Variants in BAZ2B observed in about 807,000 individuals in gnomAD.
BAZ2B encodes bromodomain adjacent to zinc finger domain protein 2B.
BAZ2B carries 91 observed loss-of-function variants against 246.0 expected under a neutral mutation model. That is an observed-to-expected ratio of 0.37 (90% confidence interval 0.31 to 0.44). The LOEUF (loss-of-function observed/expected upper bound fraction) is 0.44, where lower values mean the gene tolerates loss of function less well. Ranked by LOEUF, BAZ2B falls within the 20% of genes least tolerant of loss-of-function variation. The probability of loss-of-function intolerance (pLI) is 1.00; values close to 1 mark genes in which losing one functional copy is unlikely to be tolerated. For synonymous variants in BAZ2B, 855 were observed against 860.0 expected (o/e 0.99, Z 0.10); for missense variants, 2,332 against 2,533.7 (o/e 0.92, Z 1.71).
chr2:159,610,388 G>A (rs879427083), intron 1 of BAZ2B, among the ~76,000 whole-genome samples: 24 of 152,304 alleles, frequency 1.6e-4, no homozygotes, highest in Admixed American at 1.2e-3. Flanking sequence ...AAGAGCTTCA[G>A]TACACCGTTC....
At chr2:159,436,101 AGT>A (rs1416288201) in intron 8 of BAZ2B, among the ~76,000 whole-genome samples, 38 of 152,238 alleles carry the variant, frequency 2.5e-4, no homozygotes, top group African/African-American at 8.9e-4. Flanking sequence ...CAGAAAAATT[AGT>A]GTGTTTTCGT....
chr2:159,355,723 G>A (rs1434525734), intron 27 of BAZ2B, among the ~76,000 whole-genome samples: 10 of 103,010 alleles, frequency 9.7e-5, no homozygotes, highest in South Asian at 6.1e-4. Flanking sequence ...GAACAGTTCC[G>A]GTCTGCAGCT....
At chr2:159,388,588 G>T (rs764728290) in intron 21 of BAZ2B, among the ~76,000 whole-genome samples, 4 of 152,072 alleles carry the variant, frequency 2.6e-5, no homozygotes, top group Non-Finnish European at 4.4e-5. Context: ...TTGTGTCTCA[G>T]TTTTCTCATG....
At chr2:159,678,203 A>G in the BAZ2B span, among the ~76,000 whole-genome samples, 1 of 152,242 alleles carries the variant, frequency 6.6e-6, no homozygotes, top group Non-Finnish European at 1.5e-5. Flanking sequence ...AATGTTTACT[A>G]GTATTTCAGT....
the BAZ2B span, among the ~76,000 whole-genome samples, chr2:159,634,472 A>G: frequency 6.6e-6 from 1 of 152,226 alleles, no homozygotes; most frequent in Admixed American, 6.5e-5. Context: ...ATTATCCATT[A>G]GCATGCACAT....
intron 6 of BAZ2B, among the ~76,000 whole-genome samples, chr2:159,443,847 A>C (rs1197858190): frequency 6.6e-6 from 1 of 152,142 alleles, no homozygotes; most frequent in Admixed American, 6.5e-5. Flanking sequence ...AGGAATGTCA[A>C]TGTAGATTCC....
chr2:159,369,827 A>G (rs1297144998), intron 27 of BAZ2B, among the ~76,000 whole-genome samples: 1 of 152,216 alleles, frequency 6.6e-6, no homozygotes, highest in Non-Finnish European at 1.5e-5. Context: ...TGCAATAAAC[A>G]TACGTGTGCA....
Position 159,581,989 on chromosome 2 carries a change from A to G in BAZ2B, c.-45-26124T>C, listed in dbSNP as rs540022404. Among the ~76,000 whole-genome samples, 10 of 152,288 alleles carry G rather than the reference A, an allele frequency of 6.6e-5. No individual in the cohort carries two copies. The East Asian group carries it at 1.9e-3, about 29-fold the overall frequency. On this transcript the variant is annotated intron_variant, in intron 1 of 36. Transcript: ENST00000392783. Reference sequence around the variant, plus strand: ...ATGTAAATTACAAGTTAATGGGTGCAGCACACTAACGTGGCACATGTGTAC... The same window carrying G: ...ATGTAAATTACAAGTTAATGGGTGCGGCACACTAACGTGGCACATGTGTAC...
At chr2:159,637,189 C>T in the BAZ2B span, among the ~76,000 whole-genome samples, 1 of 152,168 alleles carries the variant, frequency 6.6e-6, no homozygotes, top group East Asian at 1.9e-4. Flanking sequence ...CTTTGTCTTG[C>T]ACCTTAGGTA....
intron 2 of BAZ2B, among the ~76,000 whole-genome samples, chr2:159,518,537 G>A (rs957194890): frequency 2.8e-4 from 43 of 152,286 alleles, no homozygotes; most frequent in African/African-American, 1.0e-3. Flanking sequence ...AGGTGGGAAG[G>A]CAGAGGGAGA....
At chr2:159,519,219 T>TC (rs2083793389) in intron 2 of BAZ2B, among the ~76,000 whole-genome samples, 1 of 33,274 alleles carries the variant, frequency 3.0e-5, no homozygotes, top group Non-Finnish European at 8.1e-5. Context: ...TCTTTTTTTT[T>TC]TTTTTTTTTT....
intron 25 of BAZ2B, 27 bp from the exon 26 acceptor site, chr2:159,374,780 T>G (rs1378221738): frequency 1.9e-6 from 3 of 1,584,616 alleles, no homozygotes; most frequent in Non-Finnish European, 2.6e-6. Context: ...ACAGTGTCAT[T>G]TATCTGTTTT....
At chr2:159,324,062 T>C (rs1159632513) in intron 36 of BAZ2B, among the ~76,000 whole-genome samples, 1 of 152,208 alleles carries the variant, frequency 6.6e-6, no homozygotes, top group African/African-American at 2.4e-5. Flanking sequence ...TCATTATAAG[T>C]TCTATTTAAC....
intron 6 of BAZ2B, among the ~76,000 whole-genome samples, chr2:159,445,485 G>C (rs1050943480): frequency 6.6e-6 from 1 of 152,168 alleles, no homozygotes; most frequent in Non-Finnish European, 1.5e-5. Flanking sequence ...AGAGGATGTG[G>C]CTATTGCCCA....
chr2:159,334,943 C>G (rs2065376825), intron 33 of BAZ2B, among the ~76,000 whole-genome samples: 1 of 151,840 alleles, frequency 6.6e-6, no homozygotes, highest in Admixed American at 6.6e-5. Flanking sequence ...CATTATGTTG[C>G]CCAGGCTATA....
intron 1 of BAZ2B, among the ~76,000 whole-genome samples, chr2:159,594,633 GTT>G (rs57735673): frequency 0.069 from 10,251 of 148,482 alleles, 426 homozygotes; most frequent in Middle Eastern, 0.15. Flanking sequence ...TATTTTGACA[GTT>G]TTTTTTTTTT....
At chr2:159,403,591 A>T (rs1236290524) in intron 16 of BAZ2B, among the ~76,000 whole-genome samples, 1 of 152,176 alleles carries the variant, frequency 6.6e-6, no homozygotes, top group Non-Finnish European at 1.5e-5. Flanking sequence ...AATATATTTT[A>T]ACGAATGCAT....
intron 27 of BAZ2B, among the ~76,000 whole-genome samples, chr2:159,366,564 C>A (rs2060236160): frequency 6.6e-6 from 1 of 152,214 alleles, no homozygotes; most frequent in South Asian, 2.1e-4. Flanking sequence ...TGTACAAGGG[C>A]TCTTGCCTTG....
chr2:159,352,942 C>A (rs1284113820), intron 27 of BAZ2B, among the ~76,000 whole-genome samples: 1 of 152,076 alleles, frequency 6.6e-6, no homozygotes, highest in African/African-American at 2.4e-5. Context: ...GAGTTTGAGT[C>A]CAGCATGGGC....
Sources: allele counts gnomAD v4.1 joint callset (sites outside exome capture counted in the v4.1 genomes callset), GRCh38; gene constraint gnomAD v4.1.1; transcripts MANE v1.5; gene names NCBI Gene and HGNC (gene_info 2026-07-23, HGNC 2026-07-21).